ALLC: variants seen among roughly 807,000 people sequenced by gnomAD.
ALLC encodes the protein allantoicase, also known as probable inactive allantoicase.
ALLC carries 40 observed loss-of-function variants against 45.0 expected under a neutral mutation model. The observed-to-expected ratio is 0.89, with a 90% CI of 0.69 to 1.16. ALLC has a LOEUF of 1.16. Among genes scored for constraint, ALLC ranks in the 50% most tolerant of loss-of-function variants. The pLI is 0.00. For missense variants in ALLC, 488 were observed against 493.1 expected, an observed-to-expected ratio of 0.99 and a Z score of 0.10; for synonymous variants, 176 against 178.1, an observed-to-expected ratio of 0.99 and a Z score of 0.09.
chr2:3,686,286 A>G (rs371721718), intron 7 of ALLC, among the ~76,000 whole-genome samples: 2 of 150,536 alleles, frequency 1.3e-5, no homozygotes, highest in East Asian at 4.0e-4. Context: ...GTTGGCTGTA[A>G]ATGTGTTGAT....
intron 1 of ALLC, among the ~76,000 whole-genome samples, chr2:3,668,868 G>T (rs527641569): frequency 6.6e-6 from 1 of 151,350 alleles, no homozygotes; most frequent in East Asian, 2.0e-4. Flanking sequence ...GAGCCACCGC[G>T]CCTGGCCATG....
chr2:3,682,938 C>A lies in ALLC; in HGVS notation c.379-4C>A. On this transcript the variant is annotated splice_polypyrimidine_tract_variant and splice_region_variant and intron_variant, in intron 6 of 11. Transcript: ENST00000252505. ...ATTGCTGACATTTCTATATTTATTGCTAGCTAAAATCCGACGACTGGAGTT... is the reference window on the plus strand; with the variant it reads ...ATTGCTGACATTTCTATATTTATTGATAGCTAAAATCCGACGACTGGAGTT... The A allele has an allele frequency of 6.2e-7, 1 of 1,612,266 alleles. No homozygotes were observed. Among genetic ancestry groups the A allele is most frequent in the Non-Finnish European group, 8.5e-7 (1 of 1,179,424 alleles).
intron 1 of ALLC, among the ~76,000 whole-genome samples, chr2:3,665,317 AATTTT>A (rs1383064514): frequency 6.8e-6 from 1 of 147,278 alleles, no homozygotes; most frequent in Admixed American, 6.7e-5. Flanking sequence ...TTTTTTTTTA[AATTTT>A]ATTTTAAGTT....
At position 3,697,341 on chromosome 2, in the gene ALLC, A is replaced by G. The variant is rs370772209; in HGVS notation, c.742-7A>G. The stretch of plus-strand genomic sequence containing the variant: ...CGTTTACCATTTTCTTCTCTTCTGA[A>G]TTCCAGAATGATGAGAATGGCATTC... On this transcript the variant is annotated splice_region_variant and splice_polypyrimidine_tract_variant and intron_variant, in intron 9 of 11. Transcript: ENST00000252505. 5.6e-6 allele frequency: 9 copies of G among 1,612,430 alleles called. No individual in the cohort carries two copies. The African/African-American group carries it at 1.2e-4, about 22-fold the overall frequency.
intron 7 of ALLC, among the ~76,000 whole-genome samples, chr2:3,692,963 A>G (rs567808823): frequency 2.4e-4 from 36 of 152,304 alleles, no homozygotes; most frequent in African/African-American, 8.7e-4. Context: ...ATATAGGGGC[A>G]GGATGAGAAG....
chr2:3,687,940 C>A (rs1050881383), intron 7 of ALLC: 5 of 151,650 alleles, frequency 3.3e-5, no homozygotes, highest in African/African-American at 1.2e-4. Context: ...CAGCTGAGAA[C>A]CTCTCTAATC....
At chr2:3,701,868 G>A (rs778997283) in intron 11 of ALLC, among the ~76,000 whole-genome samples, 3 of 152,182 alleles carry the variant, frequency 2.0e-5, no homozygotes, top group Non-Finnish European at 4.4e-5. Context: ...TACATACGTG[G>A]AAACATGTCT....
intron 1 of ALLC, among the ~76,000 whole-genome samples, chr2:3,667,407 G>A (rs2147995111): frequency 1.3e-5 from 2 of 152,340 alleles, no homozygotes; most frequent in East Asian, 1.9e-4. Context: ...ACCAGGTGGA[G>A]TTTGTTTAAC....
At chr2:3,696,977 G>A (rs1005545078) in intron 9 of ALLC, among the ~76,000 whole-genome samples, 2 of 152,186 alleles carry the variant, frequency 1.3e-5, no homozygotes, top group Non-Finnish European at 1.5e-5. Context: ...CGCACATCAT[G>A]TATCAGTATA....
chr2:3,651,838 C>T, the ALLC span, among the ~76,000 whole-genome samples: 22 of 152,112 alleles, frequency 1.4e-4, no homozygotes, highest in African/African-American at 5.1e-4. Context: ...ATGCTCCTCC[C>T]TTAGGCCTGA....
rs569109406 is a variant in ALLC, at chr2:3,672,773, C to T, written c.34-1302C>T. ...GGAGGTCCTCTGGCTCTGGTTAGAT[C>T]GGAGGTCCTCTGGCTGTAGTTAGAC... is the stretch of plus-strand genomic sequence containing the variant. On this transcript the variant is annotated intron_variant, in intron 2 of 11. Transcript: ENST00000252505. Among the ~76,000 whole-genome samples the T allele has an allele frequency of 3.2e-4, 49 of 150,990 alleles. 1 individual carries two copies. Among genetic ancestry groups the T allele is most frequent in the African/African-American group, 1.1e-3 (46 of 41,082 alleles).
chr2:3,683,397 T>C (rs1253096678), intron 7 of ALLC, among the ~76,000 whole-genome samples: 1 of 152,240 alleles, frequency 6.6e-6, no homozygotes, highest in Non-Finnish European at 1.5e-5. Flanking sequence ...TATTTTTTAA[T>C]AGCTTTATTG....
At chr2:3,678,264 G>T (rs1667077561) in intron 3 of ALLC, among the ~76,000 whole-genome samples, 1 of 152,226 alleles carries the variant, frequency 6.6e-6, no homozygotes, top group South Asian at 2.1e-4. Flanking sequence ...CCACAAAGAA[G>T]TCACATTTCT....
At chr2:3,664,794 A>G (rs1371045330) in intron 1 of ALLC, among the ~76,000 whole-genome samples, 2 of 151,734 alleles carry the variant, frequency 1.3e-5, no homozygotes, top group Non-Finnish European at 2.9e-5. Context: ...TGAGGTGGGA[A>G]GATCACTTGA....
At chr2:3,682,013 A>G (rs1667192735) in intron 6 of ALLC, among the ~76,000 whole-genome samples, 1 of 152,176 alleles carries the variant, frequency 6.6e-6, no homozygotes, top group African/African-American at 2.4e-5. Flanking sequence ...CACTTTTTAT[A>G]CCAACTTGAT....
At position 3,672,399 on chromosome 2, in the gene ALLC, C is replaced by T. The variant is rs555522268; in HGVS notation, c.33+1209C>T. On this transcript the variant is annotated intron_variant, in intron 2 of 11. Coordinates refer to ENST00000252505, the MANE Select transcript of ALLC (RefSeq NM_018436.4). ...TATTTAGATCCGAGGTCCTCTGGCTCTAGTTAGACCTGTGGTCCTCTGGCT... is the reference window on the plus strand; with the variant it reads ...TATTTAGATCCGAGGTCCTCTGGCTTTAGTTAGACCTGTGGTCCTCTGGCT... 6.0e-5 allele frequency among the ~76,000 whole-genome samples: 8 copies of T among 133,110 alleles called. No individual in the cohort carries two copies. In the East Asian group the frequency reaches 1.7e-3, roughly 29 times the overall value. The allele number at this position is 133,110 out of a possible 152,430, so 87.3% of individuals were successfully genotyped here. A position where few individuals can be genotyped will look rare whatever the true frequency, so the allele number is the denominator to read the frequency against.
At chr2:3,672,071 G>A (rs534836131) in intron 2 of ALLC, among the ~76,000 whole-genome samples, 2 of 104,588 alleles carry the variant, frequency 1.9e-5, no homozygotes. Context: ...CTGGTTAGAT[G>A]GGAGGTCCTC....
At chr2:3,697,915 G>A (rs921443294) in intron 10 of ALLC, among the ~76,000 whole-genome samples, 22 of 146,576 alleles carry the variant, frequency 1.5e-4, no homozygotes, top group Admixed American at 2.0e-4. Context: ...TTCACCCGTC[G>A]CAGCCTCCCA....
upstream of ALLC, among the ~76,000 whole-genome samples, chr2:3,657,986 C>G (rs188531886): frequency 1.3e-5 from 2 of 152,214 alleles, no homozygotes; most frequent in East Asian, 3.9e-4. Flanking sequence ...GGCCAGTGGC[C>G]GGAGGCAGCT....
Sources: allele counts gnomAD v4.1 joint callset (sites outside exome capture counted in the v4.1 genomes callset), GRCh38; gene constraint gnomAD v4.1.1; transcripts MANE v1.5; gene names NCBI Gene and HGNC (gene_info 2026-07-23, HGNC 2026-07-21).